TMTC2: variants seen among roughly 807,000 people sequenced by gnomAD.
TMTC2 encodes the protein transmembrane O-mannosyltransferase targeting cadherins 2, also known as protein O-mannosyl-transferase TMTC2.
TMTC2 carries 43 observed loss-of-function variants against 82.4 expected under a neutral mutation model. The ratio of observed to expected loss-of-function variants is 0.52; its 90% CI spans 0.41 to 0.67. TMTC2 has a LOEUF of 0.67. Ranked by LOEUF, TMTC2 falls within the 30% of genes least tolerant of loss-of-function variation. The pLI, the probability that TMTC2 is intolerant of heterozygous loss-of-function variation, is 0.00. For synonymous variants in TMTC2, 408 were observed against 381.9 expected (o/e 1.07, Z -0.80); for missense variants, 919 against 1,012.4 (o/e 0.91, Z 1.25).
At chr12:82,815,227 C>T (rs779576052) in intron 1 of TMTC2, among the ~76,000 whole-genome samples, 2 of 150,604 alleles carry the variant, frequency 1.3e-5, no homozygotes, top group East Asian at 1.9e-4. Flanking sequence ...AGTGCATTGG[C>T]GCGATCTTGG....
chr12:82,806,227 G>T (rs1483729133), intron 1 of TMTC2, among the ~76,000 whole-genome samples: 1 of 151,942 alleles, frequency 6.6e-6, no homozygotes, highest in Non-Finnish European at 1.5e-5. Flanking sequence ...TTTCTTTACT[G>T]TTTTCTGCCA....
At chr12:82,896,735 G>C in intron 3 of TMTC2, 89 bp downstream of exon 3, 1 of 1,042,062 alleles carries the variant, frequency 9.6e-7, no homozygotes, top group East Asian at 2.5e-5. Flanking sequence ...ACAGTATTAA[G>C]GAGGAAGAGG....
At chr12:82,713,935 G>A (rs1333449869) in intron 1 of TMTC2, among the ~76,000 whole-genome samples, 2 of 152,138 alleles carry the variant, frequency 1.3e-5, no homozygotes, top group Non-Finnish European at 2.9e-5. Context: ...TTCATTTATT[G>A]TGCACTTGAT....
At chr12:82,975,545 A>C (rs936611726) in intron 7 of TMTC2, among the ~76,000 whole-genome samples, 2 of 152,202 alleles carry the variant, frequency 1.3e-5, no homozygotes, top group African/African-American at 4.8e-5. Context: ...TTATTATAGA[A>C]TCTTATTCTC....
chr12:83,013,112 A>T (rs1424721720), intron 8 of TMTC2, among the ~76,000 whole-genome samples: 1 of 152,108 alleles, frequency 6.6e-6, no homozygotes, highest in East Asian at 1.9e-4. Context: ...GCTTAACATA[A>T]TATCACTTAA....
chr12:82,918,820 C>G (rs1023101873), intron 3 of TMTC2, among the ~76,000 whole-genome samples: 11 of 151,512 alleles, frequency 7.3e-5, no homozygotes, highest in Non-Finnish European at 1.2e-4. Flanking sequence ...TGCAGTGGTG[C>G]GATCTCGGCT....
At chr12:83,011,670 C>T (rs1446526660) in intron 8 of TMTC2, among the ~76,000 whole-genome samples, 2 of 152,130 alleles carry the variant, frequency 1.3e-5, no homozygotes, top group Non-Finnish European at 2.9e-5. Context: ...CTGCCTTGGT[C>T]TATAATATCT....
At chr12:82,965,440 G>T in intron 5 of TMTC2, 120 bp from the exon 6 acceptor site, 2 of 1,004,562 alleles carry the variant, frequency 2.0e-6, no homozygotes, top group South Asian at 3.3e-5. Context: ...TGTGTCATAA[G>T]TATTTTTTTC....
At chr12:82,735,902 G>C (rs915056313) in intron 1 of TMTC2, among the ~76,000 whole-genome samples, 1 of 151,992 alleles carries the variant, frequency 6.6e-6, no homozygotes, top group Non-Finnish European at 1.5e-5. Context: ...GAACCCGGGA[G>C]GCATAGGTTG....
chr12:83,013,766 C>A (rs1478318053), intron 8 of TMTC2, among the ~76,000 whole-genome samples: 1 of 152,198 alleles, frequency 6.6e-6, no homozygotes. Flanking sequence ...AATTCTCCAA[C>A]TTCCTTATAA....
intron 10 of TMTC2, among the ~76,000 whole-genome samples, chr12:83,055,705 GGTGTGTGT>G (rs58129444): frequency 1.5e-4 from 22 of 147,870 alleles, no homozygotes; most frequent in Non-Finnish European, 7.5e-5. Context: ...TAGTGGAAGG[GGTGTGTGT>G]GTGTGTGTGT....
intron 8 of TMTC2, among the ~76,000 whole-genome samples, chr12:83,029,441 G>C (rs1183717068): frequency 6.6e-6 from 1 of 152,132 alleles, no homozygotes; most frequent in African/African-American, 2.4e-5. Flanking sequence ...CCCTAGTGTA[G>C]CAAATTAGGT....
chr12:82,899,177 C>T (rs1410697393), intron 3 of TMTC2, among the ~76,000 whole-genome samples: 1 of 152,038 alleles, frequency 6.6e-6, no homozygotes, highest in Non-Finnish European at 1.5e-5. Flanking sequence ...TACAGCTGAC[C>T]ACTACCATGA....
At chr12:83,099,819 G>A (rs982706526) in intron 11 of TMTC2, among the ~76,000 whole-genome samples, 1 of 151,764 alleles carries the variant, frequency 6.6e-6, no homozygotes, top group Admixed American at 6.6e-5. Context: ...TTCCAGTAAA[G>A]AAGTGCCATC....
intron 1 of TMTC2, among the ~76,000 whole-genome samples, chr12:82,754,693 TG>T (rs1876205259): frequency 6.6e-6 from 1 of 152,074 alleles, no homozygotes; most frequent in Admixed American, 6.6e-5. Context: ...GCTGATATTG[TG>T]TCACTACCCT....
intron 1 of TMTC2, among the ~76,000 whole-genome samples, chr12:82,856,355 C>T (rs1447605902): frequency 6.6e-6 from 1 of 152,182 alleles, no homozygotes; most frequent in Non-Finnish European, 1.5e-5. Flanking sequence ...AAGGGAAACA[C>T]TGGATAGGTG....
At chr12:82,798,527 C>A (rs1026250130) in intron 1 of TMTC2, among the ~76,000 whole-genome samples, 2 of 148,848 alleles carry the variant, frequency 1.3e-5, no homozygotes, top group African/African-American at 4.9e-5. Flanking sequence ...AAGACTTGGC[C>A]GGTTGCCGTG....
chr12:83,014,969 G>A (rs1880611507), intron 8 of TMTC2, among the ~76,000 whole-genome samples: 1 of 152,048 alleles, frequency 6.6e-6, no homozygotes, highest in African/African-American at 2.4e-5. Context: ...TGAATTTCTG[G>A]AGATTTTAAG....
intron 1 of TMTC2, among the ~76,000 whole-genome samples, chr12:82,785,885 G>A (rs993050386): frequency 4.6e-5 from 7 of 152,100 alleles, no homozygotes; most frequent in Admixed American, 3.9e-4. Context: ...AAAAGGCACT[G>A]GGTAGAAGTT....
Sources: gnomAD v4.1 joint callset for allele counts (sites outside exome capture counted in the v4.1 genomes callset) on GRCh38, gnomAD v4.1.1 for gene constraint, MANE v1.5 for transcripts, NCBI Gene and HGNC (gene_info 2026-07-23, HGNC 2026-07-21) for gene names.